The following USP28 variants were observed in gnomAD, a reference collection of about 807,000 sequenced individuals.
USP28 encodes ubiquitin carboxyl-terminal hydrolase 28.
USP28 carries 113 observed loss-of-function variants against 145.0 expected under a neutral mutation model. That is an observed-to-expected ratio of 0.78 (90% CI 0.67 to 0.91). The LOEUF (loss-of-function observed/expected upper bound fraction) is 0.91. Among genes scored for constraint, USP28 ranks in the 40% least tolerant of loss-of-function variants. The probability of loss-of-function intolerance (pLI) is 0.00; values close to 1 mark genes in which losing one functional copy is unlikely to be tolerated. For missense variants in USP28, 1,201 were observed against 1,289.6 expected (o/e 0.93, Z 1.05); for synonymous variants, 447 against 450.9 (o/e 0.99, Z 0.11).
At chr11:113,804,504 T>C (rs1939592494) in intron 21 of USP28, among the ~76,000 whole-genome samples, 169 bp downstream of exon 22, 1 of 152,238 alleles carries the variant, frequency 6.6e-6, no homozygotes, top group African/African-American at 2.4e-5. Flanking sequence ...AGAGACCTGC[T>C]ATTCTGAGGG....
At chr11:113,818,434 C>A (rs1300681565) in intron 12 of USP28, among the ~76,000 whole-genome samples, 1 of 152,126 alleles carries the variant, frequency 6.6e-6, no homozygotes, top group Non-Finnish European at 1.5e-5. Flanking sequence ...TAAGGGCCAC[C>A]GCGCCTGGCA....
chr11:113,854,222 T>G (rs770343363), intron 2 of USP28, 36 bp downstream of exon 2: 10 of 1,577,328 alleles, frequency 6.3e-6, no homozygotes, highest in Non-Finnish European at 8.6e-6. Flanking sequence ...ACAGCTGCTT[T>G]AAAGCCTCCT....
At chr11:113,866,375 C>T (rs1948248743) in intron 1 of USP28, among the ~76,000 whole-genome samples, 1 of 152,128 alleles carries the variant, frequency 6.6e-6, no homozygotes, top group Non-Finnish European at 1.5e-5. Context: ...ACTTTTAAAT[C>T]ATTTATCTGG....
In USP28 at chr11:113,847,370, C is replaced by T. The variant is rs149592190; in HGVS notation, c.268+5131G>A. Among the ~76,000 whole-genome samples the T allele has an allele frequency of 5.2e-3, 734 of 140,756 alleles. 16 individuals carry two copies. Among genetic ancestry groups the T allele is most frequent in the South Asian group, 0.036 (165 of 4,614 alleles). The allele number at this position is 140,756 out of a possible 152,430, so 92.3% of individuals were successfully genotyped here. A position where few individuals can be genotyped will look rare whatever the true frequency, so the allele number is the denominator to read the frequency against. ...TTGAAAGATACCACAGTAATACAATCGCCAAACTCCAGAATGTGTGAAAAC... is the reference window on the plus strand; with the variant it reads ...TTGAAAGATACCACAGTAATACAATTGCCAAACTCCAGAATGTGTGAAAAC... On this transcript the variant is annotated intron_variant, in intron 3 of 24. Coordinates refer to ENST00000003302, the Ensembl canonical transcript of USP28.
At chr11:113,835,973 G>A (rs1409267570) in intron 5 of USP28, among the ~76,000 whole-genome samples, 2 of 152,168 alleles carry the variant, frequency 1.3e-5, no homozygotes, top group Non-Finnish European at 2.9e-5. Context: ...AGCTGCTCGG[G>A]AGGCTGAGGC....
chr11:113,806,965 TAAAC>T, intron 18 of USP28, among the ~76,000 whole-genome samples: 1 of 152,302 alleles, frequency 6.6e-6, no homozygotes, highest in Non-Finnish European at 1.5e-5. Context: ...GTGTATATCT[TAAAC>T]ACACAAATAC....
At chr11:113,809,117 G>A in exon 17 of USP28, 1 of 1,614,144 alleles carries the variant, frequency 6.2e-7, no homozygotes, top group Non-Finnish European at 8.5e-7. Flanking sequence ...TCCATTTGAG[G>A]GATTTTGCAA....
chr11:113,856,749 G>A (rs943238068), intron 1 of USP28, among the ~76,000 whole-genome samples: 6 of 152,042 alleles, frequency 3.9e-5, no homozygotes, highest in African/African-American at 1.5e-4. Flanking sequence ...GTCTCACTGT[G>A]TCGCCCAGGC....
intron 3 of USP28, among the ~76,000 whole-genome samples, chr11:113,844,414 A>G (rs185141805): frequency 4.1e-4 from 62 of 152,174 alleles, no homozygotes; most frequent in Admixed American, 1.2e-3. Context: ...ACTGCACTCC[A>G]GCCTGGGCAA....
chr11:113,843,967 T>G (rs1046033060), intron 3 of USP28, among the ~76,000 whole-genome samples: 36 of 152,032 alleles, frequency 2.4e-4, no homozygotes, highest in Admixed American at 2.2e-3. Context: ...ATACAAAAAT[T>G]AAGTCAAAAT....
intron 1 of USP28, among the ~76,000 whole-genome samples, chr11:113,861,262 C>A (rs1403079768): frequency 6.6e-6 from 1 of 152,098 alleles, no homozygotes; most frequent in Non-Finnish European, 1.5e-5. Context: ...CCTGCTGATC[C>A]AATTTATTCA....
At chr11:113,847,197 C>T (rs970122853) in intron 3 of USP28, among the ~76,000 whole-genome samples, 3 of 151,902 alleles carry the variant, frequency 2.0e-5, no homozygotes, top group Non-Finnish European at 4.4e-5. Context: ...AAAACAATTA[C>T]GATTTTAACA....
intron 11 of USP28, among the ~76,000 whole-genome samples, chr11:113,826,343 T>TTA (rs1943317711): frequency 8.9e-6 from 1 of 112,880 alleles, no homozygotes; most frequent in Non-Finnish European, 2.0e-5. Context: ...ACCCATTTTT[T>TTA]TTTTTTTTTT....
intron 24 of USP28, among the ~76,000 whole-genome samples, chr11:113,800,066 C>T (rs1330702906): frequency 1.3e-5 from 2 of 151,016 alleles, no homozygotes; most frequent in Admixed American, 6.6e-5. Context: ...AGTGCAGTGG[C>T]GCCATCTTTG....
chr11:113,852,742 A>G, intron 2 of USP28, 109 bp from the exon 3 acceptor site: 1 of 1,245,986 alleles, frequency 8.0e-7, no homozygotes, highest in East Asian at 2.5e-5. Context: ...TTTCAGGCAT[A>G]ATTCTAGGGT....
At chr11:113,821,078 C>T in intron 12 of USP28, 2 of 242,126 alleles carry the variant, frequency 8.3e-6, no homozygotes, top group South Asian at 6.4e-5. Flanking sequence ...GGAGTTGTCA[C>T]TGGTGAGGGA....
intron 9 of USP28, 52 bp from the exon 10 acceptor site, chr11:113,829,397 G>C: frequency 6.3e-7 from 1 of 1,598,096 alleles, no homozygotes; most frequent in Non-Finnish European, 8.5e-7. Context: ...ACTATCTAAA[G>C]CCTATCTTCT....
At chr11:113,801,994 T>C (rs1467501042) in intron 23 of USP28, among the ~76,000 whole-genome samples, 2 of 152,232 alleles carry the variant, frequency 1.3e-5, no homozygotes, top group Admixed American at 1.3e-4. Context: ...ACTGGTTGTC[T>C]ATCTCCTCTG....
intron 3 of USP28, among the ~76,000 whole-genome samples, chr11:113,848,858 G>C (rs577615791): frequency 1.3e-5 from 2 of 152,244 alleles, no homozygotes; most frequent in African/African-American, 4.8e-5. Context: ...GTGCTGGTAG[G>C]GACAAACTGA....
Sources: gnomAD v4.1 joint callset for allele counts (sites outside exome capture counted in the v4.1 genomes callset) on GRCh38, gnomAD v4.1.1 for gene constraint, MANE v1.5 for transcripts, NCBI Gene and HGNC (gene_info 2026-07-23, HGNC 2026-07-21) for gene names.